NSMCE4A: variants seen among roughly 807,000 people sequenced by gnomAD.
NSMCE4A encodes the protein non-structural maintenance of chromosomes element 4 homolog A.
NSMCE4A carries 40 observed loss-of-function variants against 47.9 expected under a neutral mutation model. The observed-to-expected ratio is 0.83, with a 90% CI of 0.65 to 1.09. NSMCE4A has a LOEUF of 1.09. NSMCE4A is among the 50% of genes least tolerant of loss of function. The probability of loss-of-function intolerance (pLI) is 0.00; values close to 1 mark genes in which losing one functional copy is unlikely to be tolerated. For synonymous variants in NSMCE4A, 166 were observed against 178.5 expected (o/e 0.93, Z 0.56); for missense variants, 500 against 507.0 (o/e 0.99, Z 0.13).
chr10:121,961,423 C>T lies in NSMCE4A; in HGVS notation c.939G>A (p.Arg313=), dbSNP rs772837863. ...TTAGAAAAATAATCTTTAATCTTACCCGTATAATGAAGGAAACATGAAAGA... is the reference window on the plus strand; with the variant it reads ...TTAGAAAAATAATCTTTAATCTTACTCGTATAATGAAGGAAACATGAAAGA... ...ENIFHVSFII[R]DGFARIRLDQ... Residue 313 remains arginine, a splice_region_variant and synonymous_variant, in exon 7 of 11, where the codon CGG becomes CGA. Coordinates refer to ENST00000369023, the MANE Select transcript of NSMCE4A (RefSeq NM_017615.3). 1.6e-5 allele frequency: 24 copies of T among 1,547,854 alleles called. No individual in the cohort carries two copies. In the Middle Eastern group the frequency reaches 5.4e-4, roughly 35 times the overall value.
chr10:121,970,436 C>T (rs1239547666), intron 3 of NSMCE4A, among the ~76,000 whole-genome samples: 2 of 143,560 alleles, frequency 1.4e-5, no homozygotes, highest in Non-Finnish European at 3.0e-5. Flanking sequence ...CACGCCACTG[C>T]ACTCCAGCCT....
At chr10:121,958,630 G>A (rs79049376) in intron 10 of NSMCE4A, among the ~76,000 whole-genome samples, 6,961 of 152,228 alleles carry the variant, frequency 0.046, 369 homozygotes, top group African/African-American at 0.13. Context: ...AAAAGCAGCA[G>A]CTGGGTATGG....
intron 5 of NSMCE4A, 103 bp from the exon 6 acceptor site, chr10:121,963,431 G>A (rs993604064): frequency 4.4e-5 from 28 of 638,836 alleles, no homozygotes; most frequent in Non-Finnish European, 7.0e-5. Context: ...TTGCACACCC[G>A]AACTCTTTTT....
intron 5 of NSMCE4A, among the ~76,000 whole-genome samples, chr10:121,963,556 G>A (rs1017981665): frequency 6.0e-5 from 9 of 150,770 alleles, no homozygotes; most frequent in Admixed American, 4.0e-4. Context: ...TCAGCTTCTT[G>A]AGTAGCTGGC....
At position 121,965,336 on chromosome 10, in the gene NSMCE4A, G is replaced by A. The variant is rs778377476; in HGVS notation, c.703C>T (p.Arg235Cys). 9 of 1,613,716 alleles carry A rather than the reference G, an allele frequency of 5.6e-6. No homozygotes were observed. Among genetic ancestry groups the A allele is most frequent in the Middle Eastern group, 1.6e-4 (1 of 6,084 alleles). The change falls in exon 5 of 11, where the codon CGT becomes TGT. Residue 235 changes from arginine to cysteine, a missense_variant. Physicochemically the swap from Arg to Cys is radical, Grantham distance 180. Transcript: ENST00000369023. ...TGTATCACAGGAACTTTTCTTGGAC[G>A]ATCAACTCGTGGCTTTGGCACAGGG... ...ECPVPKPRVD[R>C]PRKVPVIQEE...
intron 1 of NSMCE4A, chr10:121,974,545 G>A (rs1408241139): frequency 3.9e-6 from 4 of 1,014,744 alleles, no homozygotes; most frequent in Non-Finnish European, 4.7e-6. Flanking sequence ...GCCGAGGACT[G>A]CCGGGCGCAA....
At chr10:121,974,244 G>A in intron 1 of NSMCE4A, 163 bp from the exon 2 acceptor site, 1 of 1,411,254 alleles carries the variant, frequency 7.1e-7, no homozygotes, top group South Asian at 1.5e-5. Context: ...CGGAAAAGGA[G>A]AAAGGCCACC....
Position 121,975,128 on chromosome 10 carries a change from C to T in NSMCE4A, c.38G>A (p.Arg13Gln). ...GDSSGRGPEG[R>Q]GRGRDPHRDR... ...CCGATGCGGGTCGCGGCCCCGGCCC[C>T]GGCCCTCTGGCCCGCGGCCGCTGCT... Residue 13 changes from arginine to glutamine, a missense_variant, in exon 1 of 11, where the codon CGG (arginine) becomes CAG (glutamine). By Grantham distance (43) the Arg-to-Gln change is conservative. Coordinates refer to ENST00000369023, the MANE Select transcript of NSMCE4A (RefSeq NM_017615.3). 1.4e-6 allele frequency: 2 copies of T among 1,419,486 alleles called. No individual in the cohort carries two copies. The highest frequency in any genetic ancestry group is 1.5e-5 in the South Asian group (1 of 67,110). The allele number at this position is 1,419,486 out of a possible 1,614,324, so 87.9% of individuals were successfully genotyped here.
chr10:121,963,790 G>A (rs528043871), intron 5 of NSMCE4A, among the ~76,000 whole-genome samples: 287 of 152,230 alleles, frequency 1.9e-3, no homozygotes, highest in African/African-American at 6.6e-3. Flanking sequence ...TGAGGCAGGA[G>A]AATGGCATGA....
At chr10:121,972,033 G>T (rs1299883659) in intron 2 of NSMCE4A, among the ~76,000 whole-genome samples, 1 of 152,184 alleles carries the variant, frequency 6.6e-6, no homozygotes, top group East Asian at 1.9e-4. Context: ...AATTAATGCA[G>T]AAACAGGCTG....
chr10:121,973,640 G>A (rs1952760699), intron 2 of NSMCE4A, among the ~76,000 whole-genome samples: 1 of 152,166 alleles, frequency 6.6e-6, no homozygotes, highest in South Asian at 2.1e-4. Flanking sequence ...AAAGAAACAG[G>A]ATTTCAGAGG....
intron 7 of NSMCE4A, 121 bp downstream of exon 7, chr10:121,961,302 G>A: frequency 1.8e-6 from 1 of 550,940 alleles, no homozygotes; most frequent in Non-Finnish European, 3.1e-6. Context: ...TGCTACAATG[G>A]GTCTGAAACA....
intron 5 of NSMCE4A, among the ~76,000 whole-genome samples, chr10:121,964,836 G>A (rs769431912): frequency 3.2e-4 from 49 of 152,146 alleles, no homozygotes; most frequent in Non-Finnish European, 2.6e-4. Context: ...ACAAAAGGGC[G>A]GTTTAGAAAC....
At chr10:121,974,567 G>A (rs1266843199) in intron 1 of NSMCE4A, 1 of 1,025,362 alleles carries the variant, frequency 9.8e-7, no homozygotes, top group East Asian at 9.2e-5. Context: ...CAAAGCACGC[G>A]GAGTCCGCGT....
chr10:121,967,031 T>C (rs1168505329), intron 4 of NSMCE4A: 1 of 152,188 alleles, frequency 6.6e-6, no homozygotes, highest in African/African-American at 2.4e-5. Flanking sequence ...ATACCCTCAG[T>C]AGGAGGTATC....
At chr10:121,962,099 G>T in intron 6 of NSMCE4A, 2 of 358,840 alleles carry the variant, frequency 5.6e-6, no homozygotes, top group South Asian at 1.9e-5. Context: ...GAAAGAGTGA[G>T]ACTGTCTCCT....
intron 10 of NSMCE4A, among the ~76,000 whole-genome samples, chr10:121,957,644 C>T (rs1013770653): frequency 6.6e-6 from 1 of 151,724 alleles, no homozygotes; most frequent in African/African-American, 2.4e-5. Context: ...CCGTGTTAGC[C>T]AGGATGGTCT....
intron 3 of NSMCE4A, among the ~76,000 whole-genome samples, chr10:121,970,202 G>C (rs1230568525): frequency 6.6e-6 from 1 of 151,932 alleles, no homozygotes; most frequent in African/African-American, 2.4e-5. Context: ...GCTGGGCTAG[G>C]TGGCTCACGG....
chr10:121,963,170 T>C, intron 6 of NSMCE4A, 68 bp downstream of exon 6: 1 of 886,880 alleles, frequency 1.1e-6, no homozygotes, highest in Non-Finnish European at 1.8e-6. Context: ...AAATTGCCTT[T>C]TAAATACAAG....
Sources: allele counts gnomAD v4.1 joint callset (sites outside exome capture counted in the v4.1 genomes callset), GRCh38; gene constraint gnomAD v4.1.1; transcripts MANE v1.5; gene names NCBI Gene and HGNC (gene_info 2026-07-23, HGNC 2026-07-21).